The following ATP11B variants were observed in gnomAD, a reference collection of about 807,000 sequenced individuals.
ATP11B encodes phospholipid-transporting ATPase IF.
Under a neutral mutation model 157.8 loss-of-function variants are expected in ATP11B, and 81 were observed. The observed-to-expected ratio is 0.51, with a 90% CI of 0.43 to 0.62. The LOEUF is 0.62. Ranked by LOEUF, ATP11B falls within the 20% of genes least tolerant of loss-of-function variation. ATP11B has a pLI of 0.00. For synonymous variants in ATP11B, 451 were observed against 469.4 expected (o/e 0.96, Z 0.51); for missense variants, 1,165 against 1,402.2 (o/e 0.83, Z 2.70).
At chr3:182,874,331 C>T (rs962963996) in intron 19 of ATP11B, among the ~76,000 whole-genome samples, 1 of 152,196 alleles carries the variant, frequency 6.6e-6, no homozygotes, top group South Asian at 2.1e-4. Context: ...ACAAAATACT[C>T]TCTCTTCAGC....
chr3:182,834,585 T>A (rs542027124), intron 4 of ATP11B, among the ~76,000 whole-genome samples: 1 of 152,328 alleles, frequency 6.6e-6, no homozygotes, highest in East Asian at 1.9e-4. Flanking sequence ...TTCTTAGATA[T>A]GATTCCATTA....
chr3:182,866,217 T>A, intron 13 of ATP11B, 51 bp from the exon 14 acceptor site: 1 of 1,370,308 alleles, frequency 7.3e-7, no homozygotes, highest in Non-Finnish European at 9.7e-7. Context: ...GTTTCCTAAA[T>A]GGTATGTGGA....
At chr3:182,880,459 T>A (rs1292044250) in intron 20 of ATP11B, among the ~76,000 whole-genome samples, 1 of 152,148 alleles carries the variant, frequency 6.6e-6, no homozygotes, top group Non-Finnish European at 1.5e-5. Flanking sequence ...TTGAATTTAA[T>A]CTTGATTGAT....
chr3:182,868,215 T>A (rs2108544950), intron 15 of ATP11B, among the ~76,000 whole-genome samples: 1 of 151,960 alleles, frequency 6.6e-6, no homozygotes, highest in South Asian at 2.1e-4. Flanking sequence ...AAGGAACAGC[T>A]GTCTATATCT....
chr3:182,819,364 C>G (rs1247191302), intron 1 of ATP11B, among the ~76,000 whole-genome samples: 1 of 152,194 alleles, frequency 6.6e-6, no homozygotes, highest in Non-Finnish European at 1.5e-5. Context: ...AGCCAGCGCG[C>G]CCGGCGTCTT....
chr3:182,844,872 A>G (rs1371217125), intron 8 of ATP11B, among the ~76,000 whole-genome samples: 1 of 152,064 alleles, frequency 6.6e-6, no homozygotes, highest in Non-Finnish European at 1.5e-5. Flanking sequence ...AAATTTTGAA[A>G]CTAGTGGCTT....
At chr3:182,917,947 A>G in intron 29 of ATP11B, 76 bp from the exon 30 acceptor site, 2 of 1,571,572 alleles carry the variant, frequency 1.3e-6, no homozygotes, top group Non-Finnish European at 1.7e-6. Context: ...TTGGGTCCTA[A>G]GTTTTAGAGT....
chr3:182,817,501 G>T (rs142569839), intron 1 of ATP11B, among the ~76,000 whole-genome samples: 1 of 152,018 alleles, frequency 6.6e-6, no homozygotes, highest in African/African-American at 2.4e-5. Flanking sequence ...GGACAGTCTC[G>T]ATCTCCTGAC....
chr3:182,887,384 C>T (rs1467591079), intron 23 of ATP11B, among the ~76,000 whole-genome samples: 2 of 152,110 alleles, frequency 1.3e-5, no homozygotes, highest in Non-Finnish European at 2.9e-5. Context: ...TTCCAGTTCT[C>T]ACAAAGAATA....
chr3:182,863,129 C>T (rs1462608721), intron 12 of ATP11B, among the ~76,000 whole-genome samples: 1 of 151,914 alleles, frequency 6.6e-6, no homozygotes, highest in Non-Finnish European at 1.5e-5. Flanking sequence ...TGGTCTCGAT[C>T]TCCTGACCTC....
At chr3:182,859,419 G>A in intron 12 of ATP11B, 60 bp downstream of exon 12, 1 of 1,382,682 alleles carries the variant, frequency 7.2e-7, no homozygotes, top group Admixed American at 2.6e-5. Context: ...AGCAATACAT[G>A]GACAAAGATT....
At chr3:182,884,103 AG>A (rs1270445855) in intron 21 of ATP11B, among the ~76,000 whole-genome samples, 1 of 152,026 alleles carries the variant, frequency 6.6e-6, no homozygotes, top group African/African-American at 2.4e-5. Flanking sequence ...AATTTTTTTA[AG>A]TTGCTTCTAG....
intron 20 of ATP11B, among the ~76,000 whole-genome samples, chr3:182,880,187 A>G (rs569167734): frequency 6.6e-6 from 1 of 152,336 alleles, no homozygotes; most frequent in African/African-American, 2.4e-5. Context: ...ATAATTCTAA[A>G]TTTGGAATTT....
intron 17 of ATP11B, among the ~76,000 whole-genome samples, chr3:182,872,136 A>G (rs751578253): frequency 6.6e-6 from 1 of 152,230 alleles, no homozygotes; most frequent in Non-Finnish European, 1.5e-5. Context: ...ACTTCTTAAG[A>G]AAACATCAGA....
intron 12 of ATP11B, among the ~76,000 whole-genome samples, chr3:182,859,787 C>T (rs1407770000): frequency 6.6e-6 from 1 of 151,858 alleles, no homozygotes; most frequent in Admixed American, 6.6e-5. Context: ...ATTACATTTC[C>T]CTTCTTATAT....
chr3:182,882,924 T>C (rs1317154432), intron 21 of ATP11B, among the ~76,000 whole-genome samples: 1 of 152,110 alleles, frequency 6.6e-6, no homozygotes, highest in Non-Finnish European at 1.5e-5. Flanking sequence ...ACTAAATGTA[T>C]GAAAAAAATG....
chr3:182,810,477 GC>G (rs1716592338), intron 1 of ATP11B, among the ~76,000 whole-genome samples: 1 of 151,528 alleles, frequency 6.6e-6, no homozygotes, highest in Non-Finnish European at 1.5e-5. Context: ...GCGTAGACAT[GC>G]TTTACTTTCT....
Position 182,919,242 on chromosome 3 carries a change from GC to G in ATP11B, c.*1139del, listed in dbSNP as rs2108602109. On this transcript the variant is annotated 3_prime_UTR_variant, in exon 30 of 30. Coordinates refer to ENST00000323116, the MANE Select transcript of ATP11B (RefSeq NM_014616.3). ...TTCAGGTTATGTCATCTAACTTATA[GC>G]AAACTACCACAATACAGTGAGTTCT... The G allele has an allele frequency of 6.6e-6, 1 of 152,628 alleles. No homozygotes were observed. Among genetic ancestry groups the G allele is most frequent in the Non-Finnish European group, 1.5e-5 (1 of 67,972 alleles). 9.5% of individuals were successfully genotyped at this position (152,628 alleles called of 1,614,324 possible).
At chr3:182,826,211 C>G (rs1408679593) in intron 2 of ATP11B, among the ~76,000 whole-genome samples, 1 of 152,170 alleles carries the variant, frequency 6.6e-6, no homozygotes, top group Non-Finnish European at 1.5e-5. Flanking sequence ...AAACTAGAAA[C>G]AATTTCTACC....
Sources: allele counts gnomAD v4.1 joint callset (sites outside exome capture counted in the v4.1 genomes callset), GRCh38; gene constraint gnomAD v4.1.1; transcripts MANE v1.5; gene names NCBI Gene and HGNC (gene_info 2026-07-23, HGNC 2026-07-21).